CFAP251: variants seen among roughly 807,000 people sequenced by gnomAD.
CFAP251 encodes the protein cilia and flagella associated protein 251.
CFAP251 carries 93 observed loss-of-function variants against 126.7 expected under a neutral mutation model. That is an observed-to-expected ratio of 0.73 (90% CI 0.62 to 0.87). The LOEUF (loss-of-function observed/expected upper bound fraction) is 0.87. Among genes scored for constraint, CFAP251 ranks in the 40% least tolerant of loss-of-function variants. The pLI, the probability that CFAP251 is intolerant of heterozygous loss-of-function variation, is 0.00. For synonymous variants in CFAP251, 503 were observed against 506.9 expected, an observed-to-expected ratio of 0.99 and a Z score of 0.10; for missense variants, 1,287 against 1,389.2, an observed-to-expected ratio of 0.93 and a Z score of 1.17.
At chr12:121,992,799 T>C (rs1882905223) in intron 19 of CFAP251, among the ~76,000 whole-genome samples, 5 of 152,014 alleles carry the variant, frequency 3.3e-5, no homozygotes, top group Admixed American at 3.3e-4. Context: ...TGTCTCAAGC[T>C]CCTAAAACGA....
chr12:121,930,063 G>C (rs1004932680), intron 3 of CFAP251, among the ~76,000 whole-genome samples: 3 of 152,118 alleles, frequency 2.0e-5, no homozygotes, highest in African/African-American at 7.2e-5. Context: ...TTTCATATTG[G>C]CTTCATTCAC....
At chr12:121,996,919 G>A (rs1282563464) in intron 19 of CFAP251, 1 of 152,210 alleles carries the variant, frequency 6.6e-6, no homozygotes, top group African/African-American at 2.4e-5. Flanking sequence ...GCAGTGACAA[G>A]TTGTCACATT....
At chr12:121,997,696 T>C (rs1199919960) in intron 19 of CFAP251, 1 of 152,014 alleles carries the variant, frequency 6.6e-6, no homozygotes, top group East Asian at 1.9e-4. Context: ...AATTGTTTTA[T>C]TAATTTATTA....
chr12:121,938,973 C>T (rs556579299), intron 5 of CFAP251, among the ~76,000 whole-genome samples: 7 of 146,714 alleles, frequency 4.8e-5, no homozygotes, highest in East Asian at 4.4e-4. Context: ...GGCGACAGAG[C>T]GAGAATTCAT....
At chr12:121,992,121 A>AACC (rs1882889640) in intron 19 of CFAP251, 2 of 786,250 alleles carry the variant, frequency 2.5e-6, no homozygotes, top group Non-Finnish European at 3.1e-6. Flanking sequence ...GCTGACTGAC[A>AACC]ACCACCAGTG....
chr12:121,992,957 C>T (rs997275047), intron 19 of CFAP251, among the ~76,000 whole-genome samples: 1 of 100,534 alleles, frequency 9.9e-6, no homozygotes, highest in East Asian at 2.4e-4. Context: ...CTCCCTCTCC[C>T]TCTCCCACTC....
Position 121,934,354 on chromosome 12 carries a change from A to G in CFAP251, c.996A>G (p.Thr332=), listed in dbSNP as rs74462921. ...TGGTGATTATATGGGACTCCTTCAC[A>G]GGGTAGGCTTTGTGTAGCCACTTCT... ...DCLVIIWDSF[T]GIPVHTIFDS... Residue 332 remains threonine (T), a splice_region_variant and synonymous_variant, in exon 5 of 22, where the codon ACA becomes ACG. Transcript: ENST00000288912. 1.1e-3 allele frequency: 1,845 copies of G among 1,611,832 alleles called. 32 individuals carry two copies. In the East Asian group the frequency reaches 0.037, roughly 32 times the overall value.
rs2135764590 is a variant in CFAP251 at position 121,942,891 on chromosome 12, A to G, written c.1111-4A>G. 6.2e-7 allele frequency: 1 copy of G among 1,614,008 alleles called. No individual in the cohort carries two copies. On this transcript the variant is annotated splice_region_variant and splice_polypyrimidine_tract_variant and intron_variant, in intron 6 of 21. Transcript: ENST00000288912. The stretch of plus-strand genomic sequence containing the variant: ...CATGCCCCTCTCTCTACTGTCACCT[A>G]CAGAAGGTATGCATCTGGAAGTGGA...
At chr12:121,967,389 A>T (rs540161789) in intron 16 of CFAP251, among the ~76,000 whole-genome samples, 1 of 152,366 alleles carries the variant, frequency 6.6e-6, no homozygotes, top group South Asian at 2.1e-4. Flanking sequence ...TGTACATTTA[A>T]TGAATAATCT....
chr12:121,938,610 G>A lies in CFAP251; in HGVS notation c.999-3924G>A, dbSNP rs1423663376. On this transcript the variant is annotated intron_variant, in intron 5 of 21. Coordinates refer to ENST00000288912, the MANE Select transcript of CFAP251 (RefSeq NM_144668.6). ...CTCCCAAAGTGCTGGGATTACAGGC[G>A]TGAGCCACCATGCCCGGCTCATCTG... Among the ~76,000 whole-genome samples, 4 of 149,778 alleles carry A rather than the reference G, an allele frequency of 2.7e-5. 1 individual carries two copies. The highest frequency in any genetic ancestry group is 1.3e-4 in the Admixed American group (2 of 15,026).
At chr12:121,928,658 G>GTATA (rs1259216748) in intron 3 of CFAP251, among the ~76,000 whole-genome samples, 48 of 26,732 alleles carry the variant, frequency 1.8e-3, no homozygotes, top group East Asian at 0.012. Flanking sequence ...ATATATATAC[G>GTATA]TATATATATA....
chr12:121,962,701 A>G (rs78217860), intron 15 of CFAP251, among the ~76,000 whole-genome samples: 13 of 47,458 alleles, frequency 2.7e-4, no homozygotes, highest in African/African-American at 6.9e-4. Flanking sequence ...GCAAAGAAGA[A>G]AAAAAAAAAA....
At chr12:121,960,542 A>C in intron 13 of CFAP251, 43 bp from the exon 14 acceptor site, 2 of 1,603,680 alleles carry the variant, frequency 1.2e-6, no homozygotes, top group Non-Finnish European at 8.5e-7. Context: ...TTAATTTACT[A>C]AACGTAAAAT....
At chr12:121,941,477 G>A (rs1261852380) in intron 5 of CFAP251, among the ~76,000 whole-genome samples, 3 of 151,500 alleles carry the variant, frequency 2.0e-5, no homozygotes, top group Non-Finnish European at 4.4e-5. Context: ...GGGCCCACAG[G>A]CACGTGCCAC....
intron 6 of CFAP251, 96 bp from the exon 7 acceptor site, chr12:121,942,799 A>G: frequency 7.2e-7 from 1 of 1,385,886 alleles, no homozygotes; most frequent in African/African-American, 1.4e-5. Flanking sequence ...CTCTGTCCTT[A>G]GTTACTTGAA....
intron 14 of CFAP251, 149 bp downstream of exon 14, chr12:121,960,907 T>A: frequency 1.0e-6 from 1 of 993,200 alleles, no homozygotes; most frequent in East Asian, 2.6e-5. Flanking sequence ...CCTCTCCAGG[T>A]TGGCATTTTG....
chr12:121,952,083 A>G (rs1881549412), intron 9 of CFAP251, among the ~76,000 whole-genome samples: 1 of 151,818 alleles, frequency 6.6e-6, no homozygotes, highest in Admixed American at 6.6e-5. Context: ...GATGGCTTTT[A>G]GAATGTGTAT....
intron 1 of CFAP251, among the ~76,000 whole-genome samples, chr12:121,920,344 C>T (rs910474208): frequency 2.0e-5 from 3 of 148,186 alleles, no homozygotes; most frequent in Non-Finnish European, 4.5e-5. Flanking sequence ...TCTCCTGCCT[C>T]GGCCTTCTGA....
At chr12:121,954,042 A>G in intron 9 of CFAP251, 78 bp from the exon 10 acceptor site, 1 of 1,237,356 alleles carries the variant, frequency 8.1e-7, no homozygotes, top group Non-Finnish European at 1.2e-6. Context: ...TCAGCATAGC[A>G]TTATAAAATA....
Sources: allele counts gnomAD v4.1 joint callset (sites outside exome capture counted in the v4.1 genomes callset), GRCh38; gene constraint gnomAD v4.1.1; transcripts MANE v1.5; gene names NCBI Gene and HGNC (gene_info 2026-07-23, HGNC 2026-07-21).